The following PDE4D variants were observed in gnomAD, a reference collection of about 807,000 sequenced individuals.
The protein encoded by PDE4D is phosphodiesterase 4D.
Under a neutral mutation model 87.4 loss-of-function variants are expected in PDE4D, and 24 were observed. The observed-to-expected ratio is 0.27, with a 90% CI of 0.20 to 0.39. The LOEUF (loss-of-function observed/expected upper bound fraction) is 0.39. PDE4D is among the 10% of genes least tolerant of loss of function. The probability of loss-of-function intolerance (pLI) is 1.00; values close to 1 mark genes in which losing one functional copy is unlikely to be tolerated. For missense variants in PDE4D, 714 were observed against 1,041.0 expected, an observed-to-expected ratio of 0.69 and a Z score of 4.32; for synonymous variants, 384 against 383.2, an observed-to-expected ratio of 1.00 and a Z score of -0.02.
chr5:59,071,679 TC>T (rs1459179774), intron 5 of PDE4D, among the ~76,000 whole-genome samples: 18 of 98,612 alleles, frequency 1.8e-4, no homozygotes, highest in Non-Finnish European at 3.5e-4. Flanking sequence ...TTTTTATTTC[TC>T]TTCTTTTTTT....
At chr5:59,847,211 G>A (rs1474036388) in intron 1 of PDE4D, among the ~76,000 whole-genome samples, 1 of 151,894 alleles carries the variant, frequency 6.6e-6, no homozygotes, top group African/African-American at 2.4e-5. Flanking sequence ...TGTAAAAATT[G>A]GATTTATTCT....
At chr5:59,494,781 C>T (rs1806850340) in intron 1 of PDE4D, among the ~76,000 whole-genome samples, 1 of 152,198 alleles carries the variant, frequency 6.6e-6, no homozygotes, top group Non-Finnish European at 1.5e-5. Context: ...CCACCAGCAA[C>T]GTACCTTCCC....
intron 1 of PDE4D, among the ~76,000 whole-genome samples, chr5:60,214,147 A>G (rs562486615): frequency 6.6e-6 from 1 of 152,328 alleles, no homozygotes; most frequent in East Asian, 1.9e-4. Context: ...TTGAGAAGAG[A>G]GTACATACAT....
At chr5:59,111,044 T>C (rs17721860) in intron 5 of PDE4D, among the ~76,000 whole-genome samples, 7,664 of 152,260 alleles carry the variant, frequency 0.05, 298 homozygotes, top group Admixed American at 0.11. Context: ...TGTCAAAAAG[T>C]CCATTTGTTC....
At chr5:58,988,727 G>GAGA (rs2153336355) in intron 10 of PDE4D, 135 bp from the exon 11 acceptor site, 1 of 423,788 alleles carries the variant, frequency 2.4e-6, no homozygotes, top group East Asian at 3.4e-5. Flanking sequence ...TGTGTCAAGG[G>GAGA]AGAGTCTTAG....
chr5:60,455,608 C>T (rs1426138013), intron 1 of PDE4D, among the ~76,000 whole-genome samples: 1 of 152,168 alleles, frequency 6.6e-6, no homozygotes, highest in African/African-American at 2.4e-5. Flanking sequence ...CACATCCACA[C>T]ACCTTTACAG....
chr5:59,795,150 G>A (rs1380529166), intron 1 of PDE4D, among the ~76,000 whole-genome samples: 1 of 152,152 alleles, frequency 6.6e-6, no homozygotes, highest in Non-Finnish European at 1.5e-5. Flanking sequence ...AGTCACAGAG[G>A]GTAAAGTCAA....
At chr5:59,616,756 G>A (rs1231368485) in intron 1 of PDE4D, among the ~76,000 whole-genome samples, 1 of 151,422 alleles carries the variant, frequency 6.6e-6, no homozygotes, top group Non-Finnish European at 1.5e-5. Context: ...GTATAAAGTT[G>A]CTCCCATGGA....
At chr5:60,154,909 C>T (rs1781830266) in intron 2 of PDE4D, among the ~76,000 whole-genome samples, 1 of 152,186 alleles carries the variant, frequency 6.6e-6, no homozygotes, top group Non-Finnish European at 1.5e-5. Context: ...CAACTACATG[C>T]TATCCATTCA....
chr5:59,175,462 T>C (rs1783667033), intron 5 of PDE4D, among the ~76,000 whole-genome samples: 1 of 121,326 alleles, frequency 8.2e-6, no homozygotes. Context: ...ACTCTATCCA[T>C]TTTTCTTTCT....
chr5:59,229,542 A>T (rs1581495625), intron 1 of PDE4D, among the ~76,000 whole-genome samples: 1 of 152,292 alleles, frequency 6.6e-6, no homozygotes, highest in East Asian at 1.9e-4. Context: ...AGATTATACA[A>T]TTATAAGGGT....
chr5:59,418,192 C>A (rs1162183319), intron 1 of PDE4D, among the ~76,000 whole-genome samples: 1 of 152,072 alleles, frequency 6.6e-6, no homozygotes, highest in Non-Finnish European at 1.5e-5. Context: ...CATAGGACTC[C>A]CTCTCTTCAA....
intron 9 of PDE4D, 46 bp downstream of exon 9, chr5:58,990,758 T>C (rs745445266): frequency 5.9e-6 from 6 of 1,016,740 alleles, no homozygotes; most frequent in African/African-American, 1.6e-5. Context: ...AGACTGGACA[T>C]TAAGTTCCTA....
At chr5:59,612,232 G>GTTTTTT (rs58203288) in intron 1 of PDE4D, among the ~76,000 whole-genome samples, 209 of 52,726 alleles carry the variant, frequency 4.0e-3, no homozygotes, top group South Asian at 0.014. Context: ...GATTGACACT[G>GTTTTTT]TTTTTTTTGT....
chr5:59,013,326 AC>A (rs1355498670), intron 6 of PDE4D, among the ~76,000 whole-genome samples: 3 of 152,214 alleles, frequency 2.0e-5, no homozygotes, highest in African/African-American at 7.2e-5. Flanking sequence ...AGATAGAGAC[AC>A]AAAAAAACCT....
At chr5:59,898,023 T>C (rs1156277339), upstream of PDE4D, among the ~76,000 whole-genome samples, 1 of 152,192 alleles carries the variant, frequency 6.6e-6, no homozygotes, top group Non-Finnish European at 1.5e-5. Context: ...TATTAAAGTC[T>C]CTATCATATT....
intron 3 of PDE4D, among the ~76,000 whole-genome samples, chr5:59,930,363 C>CAGAAGA (rs1755782013): frequency 6.6e-6 from 1 of 151,866 alleles, no homozygotes; most frequent in African/African-American, 2.4e-5. Context: ...TGAAGAGAAT[C>CAGAAGA]AGAGAGAGAA....
intron 3 of PDE4D, among the ~76,000 whole-genome samples, chr5:59,918,455 T>C (rs2152776579): frequency 6.6e-6 from 1 of 152,332 alleles, no homozygotes; most frequent in East Asian, 1.9e-4. Flanking sequence ...ACTGTTTATA[T>C]TTTCCTCATC....
chr5:59,807,378 A>G (rs1187452387), intron 1 of PDE4D, among the ~76,000 whole-genome samples: 4 of 152,044 alleles, frequency 2.6e-5, no homozygotes, highest in African/African-American at 4.8e-5. Context: ...CATTTCCCCC[A>G]TGCTTCTTCT....
Sources: allele counts gnomAD v4.1 joint callset (sites outside exome capture counted in the v4.1 genomes callset), GRCh38; gene constraint gnomAD v4.1.1; transcripts MANE v1.5; gene names NCBI Gene and HGNC (gene_info 2026-07-23, HGNC 2026-07-21).